The following LONRF2 variants were observed in gnomAD, a reference collection of about 807,000 sequenced individuals.
The protein encoded by LONRF2 is LON peptidase N-terminal domain and ring finger 2.
LONRF2 carries 35 observed loss-of-function variants against 66.6 expected under a neutral mutation model. That is an observed-to-expected ratio of 0.53 (90% CI 0.40 to 0.70). The LOEUF (loss-of-function observed/expected upper bound fraction) is 0.70, where lower values mean the gene tolerates loss of function less well. Among genes scored for constraint, LONRF2 ranks in the 30% least tolerant of loss-of-function variants. The probability of loss-of-function intolerance (pLI) is 0.00; values close to 1 mark genes in which losing one functional copy is unlikely to be tolerated. For synonymous variants in LONRF2, 417 were observed against 418.1 expected (o/e 1.00, Z 0.03); for missense variants, 902 against 1,002.1 (o/e 0.90, Z 1.35).
At position 100,291,499 on chromosome 2, in the gene LONRF2, G is replaced by A. The variant is rs1033155914; in HGVS notation, c.1758-1079C>T. Among the ~76,000 whole-genome samples, 9 of 152,050 alleles carry A rather than the reference G, an allele frequency of 5.9e-5. No individual in the cohort carries two copies. In the East Asian group the frequency reaches 7.8e-4, roughly 13 times the overall value. Reference sequence around the variant, plus strand: ...CTCTGCCCTCCCCAACCAAAGTGCCGTGGAAAGCAGTCCCCGGCCACTGCC... The same window carrying A: ...CTCTGCCCTCCCCAACCAAAGTGCCATGGAAAGCAGTCCCCGGCCACTGCC... On this transcript the variant is annotated intron_variant, in intron 9 of 11. Transcript: ENST00000393437.
chr2:100,298,859 A>C lies in LONRF2; in HGVS notation c.1453T>G (p.Leu485Val). Residue 485 changes from leucine (L) to valine (V), a missense_variant, in exon 7 of 12, where the codon TTG becomes GTG. By Grantham distance (32) the Leu-to-Val change is conservative (BLOSUM62 1). Around this residue, in one of 2 missense-constraint regions of LONRF2, gnomAD observed 317 missense variants for 432.2 expected, o/e 0.73. Coordinates refer to ENST00000393437, the MANE Select transcript of LONRF2 (RefSeq NM_198461.4). ...ACTTCCGAAAGTTTGTCTTTGCACAAAGGACAGTGTGGGGCGTGGTCAAGG... is the reference window on the plus strand; with the variant it reads ...ACTTCCGAAAGTTTGTCTTTGCACACAGGACAGTGTGGGGCGTGGTCAAGG... Reference protein sequence around the residue: ...RCLDHAPHCPLCKDKLSELLA... With the variant: ...RCLDHAPHCPVCKDKLSELLA... 1 of 1,614,102 alleles carries C rather than the reference A, an allele frequency of 6.2e-7. No individual in the cohort carries two copies. Among genetic ancestry groups the C allele is most frequent in the Non-Finnish European group, 8.5e-7 (1 of 1,179,956 alleles).
At position 100,299,815 on chromosome 2, in the gene LONRF2, A is replaced by G. The variant is rs759813804; in HGVS notation, c.1169T>C (p.Ile390Thr). 1.3e-5 allele frequency: 21 copies of G among 1,613,732 alleles called. No individual in the cohort carries two copies. Among genetic ancestry groups the G allele is most frequent in the Non-Finnish European group, 1.8e-5 (21 of 1,179,740 alleles). Residue 390 changes from isoleucine to threonine, a missense_variant, in exon 5 of 12, where the codon ATC (isoleucine) becomes ACC (threonine). By Grantham distance (89) the Ile-to-Thr change is moderately conservative. Coordinates refer to ENST00000393437, the MANE Select transcript of LONRF2 (RefSeq NM_198461.4). ...FEEDKKALES[I>T]LPTAPSAGLK... ...GCCAGCGCTGGGTGCTGTTGGAAGG[A>G]TGCTTTCTAACGCCTTTTTATCCTC...
Position 100,321,830 on chromosome 2 carries a change from C to T in LONRF2, c.264G>A (p.Gly88=), listed in dbSNP as rs1324882800. 2.7e-6 allele frequency: 3 copies of T among 1,122,324 alleles called. No homozygotes were observed. The highest frequency in any genetic ancestry group is 2.2e-6 in the Non-Finnish European group (2 of 920,426). 69.5% of individuals were successfully genotyped at this position (1,122,324 alleles called of 1,614,324 possible). The stretch of plus-strand genomic sequence containing the variant: ...CTTCCAGCTCCTCCGGCCGCAGCGC[C>T]CCGAGCCGCGCGGCGCCGCGGAACG... ...LGAFRGAARL[G]ALRPEELEEL... The change falls in exon 1 of 12, where the codon GGG becomes GGA. Residue 88 remains glycine (G), a synonymous_variant. Transcript: ENST00000393437.
At position 100,284,406 on chromosome 2, in the gene LONRF2, C is replaced by A; in HGVS notation, c.2157G>T (p.Met719Ile). The change falls in exon 12 of 12, where the codon ATG becomes ATT. Residue 719 changes from methionine (M) to isoleucine (I), a missense_variant. This residue lies in a region of LONRF2 where 317 missense variants were observed against 432.2 expected (regional missense o/e 0.73). Transcript: ENST00000393437. ...ERKAQLAILG[M>I]TSLKERLLAI... is the part of the protein sequence containing the mutation. The stretch of plus-strand genomic sequence containing the variant: ...CAAGGAGCCGCTCTTTGAGCGAGGT[C>A]ATGCCGAGGATGGCCAGCTGAGCCT... 1 of 1,605,214 alleles carries A rather than the reference C, an allele frequency of 6.2e-7. No individual in the cohort carries two copies. Among genetic ancestry groups the A allele is most frequent in the African/African-American group, 1.3e-5 (1 of 74,942 alleles).
intron 9 of LONRF2, among the ~76,000 whole-genome samples, chr2:100,290,907 T>C (rs1674947295): frequency 6.6e-6 from 1 of 152,188 alleles, no homozygotes; most frequent in African/African-American, 2.4e-5. Flanking sequence ...CAGTTTATAA[T>C]ACATATGAAT....
intron 1 of LONRF2, among the ~76,000 whole-genome samples, chr2:100,318,794 T>C (rs1302495158): frequency 6.8e-6 from 1 of 146,304 alleles, no homozygotes; most frequent in African/African-American, 2.5e-5. Context: ...ATCATGTCAC[T>C]GCAGTCCAGC....
At position 100,298,837 on chromosome 2, in the gene LONRF2, TC is replaced by T. The variant is rs1437782172; in HGVS notation, c.1474del (p.Glu492AsnfsTer10). On this transcript the variant is annotated frameshift_variant and splice_region_variant, in exon 7 of 12. Coordinates refer to ENST00000393437, the MANE Select transcript of LONRF2 (RefSeq NM_198461.4). LOFTEE classifies it high-confidence loss of function. ...HCPLCKDKLS[E>X]LLASRNFNIT... ...CGTCATTTCCTAAAGTGTACTTACT[TC>T]CGAAAGTTTGTCTTTGCACAAAGGA... 3.1e-6 allele frequency: 5 copies of T among 1,612,138 alleles called. No individual in the cohort carries two copies. The highest frequency in any genetic ancestry group is 3.4e-6 in the Non-Finnish European group (4 of 1,178,332).
intron 10 of LONRF2, 115 bp from the exon 11 acceptor site, chr2:100,287,178 T>C: frequency 1.0e-6 from 1 of 983,714 alleles, no homozygotes; most frequent in Non-Finnish European, 1.4e-6. Flanking sequence ...TTTTAATAAT[T>C]CATCAGTTTC....
intron 3 of LONRF2, among the ~76,000 whole-genome samples, chr2:100,302,664 T>C (rs1026989751): frequency 6.6e-6 from 1 of 152,236 alleles, no homozygotes; most frequent in African/African-American, 2.4e-5. Flanking sequence ...CTAACATGTG[T>C]CTTTATGTCA....
chr2:100,295,698 C>G (rs942454889), intron 7 of LONRF2, 145 bp from the exon 8 acceptor site: 1 of 716,398 alleles, frequency 1.4e-6, no homozygotes, highest in African/African-American at 1.8e-5. Flanking sequence ...GGCGGGCCAG[C>G]CTGTAACAAG....
chr2:100,318,824 C>T (rs1206930342), intron 1 of LONRF2, among the ~76,000 whole-genome samples: 1 of 116,206 alleles, frequency 8.6e-6, no homozygotes, highest in African/African-American at 3.1e-5. Context: ...AGAGCGAGAC[C>T]TTGTCTCAAA....
At chr2:100,296,251 T>C (rs1358693224) in intron 7 of LONRF2, among the ~76,000 whole-genome samples, 1 of 152,196 alleles carries the variant, frequency 6.6e-6, no homozygotes, top group Non-Finnish European at 1.5e-5. Context: ...TAGGTTGCAC[T>C]GTTTTATTGC....
rs867181050 is a variant in LONRF2 at position 100,283,948 on chromosome 2, A to G, written c.*350T>C. ...TACCATCTGGCAGAGCCAGATGCTG[A>G]CTGGGAAGTGAATCCTTCTTTCTCG... On this transcript the variant is annotated 3_prime_UTR_variant, in exon 12 of 12. Coordinates refer to ENST00000393437, the MANE Select transcript of LONRF2 (RefSeq NM_198461.4). The G allele has an allele frequency of 4.1e-4, 71 of 173,114 alleles. No homozygotes were observed. The highest frequency in any genetic ancestry group is 1.4e-3 in the African/African-American group (60 of 42,258). The allele number at this position is 173,114 out of a possible 1,614,324, so 10.7% of individuals were successfully genotyped here. A position where few individuals can be genotyped will look rare whatever the true frequency, so the allele number is the denominator to read the frequency against.
rs768193837 is a variant in LONRF2, at chr2:100,295,488, C to T, written c.1542G>A (p.Pro514=). Residue 514 remains proline (P), a synonymous_variant, in exon 8 of 12, where the codon CCG becomes CCA. Coordinates refer to ENST00000393437, the MANE Select transcript of LONRF2 (RefSeq NM_198461.4). ...LAEELIFRYL[P]DELSDRKRIY... is the part of the protein sequence containing the mutation. Reference sequence around the variant, plus strand: ...TTCTCTTCCTATCAGACAATTCATCCGGCAAATATCGAAATATTAATTCTT... The same window carrying T: ...TTCTCTTCCTATCAGACAATTCATCTGGCAAATATCGAAATATTAATTCTT... 41 of 1,613,220 alleles carry T rather than the reference C, an allele frequency of 2.5e-5. No homozygotes were observed. The highest frequency in any genetic ancestry group is 1.3e-4 in the African/African-American group (10 of 74,880).
rs1195401196 is a variant in LONRF2 at position 100,283,427 on chromosome 2, C to G, written c.*871G>C. ...GATGGGGCTAATTTCTAATGCAAAT[C>G]CCAATAGAAAAAGATGACTGTTTCC... is the stretch of plus-strand genomic sequence containing the variant. On this transcript the variant is annotated 3_prime_UTR_variant, in exon 12 of 12. Transcript: ENST00000393437. The G allele has an allele frequency of 6.6e-6, 1 of 152,032 alleles. No homozygotes were observed. The highest frequency in any genetic ancestry group is 2.4e-5 in the African/African-American group (1 of 41,414). The allele number at this position is 152,032 out of a possible 1,614,324, so 9.4% of individuals were successfully genotyped here.
chr2:100,316,061 C>T (rs560549981), intron 1 of LONRF2, among the ~76,000 whole-genome samples: 1 of 152,116 alleles, frequency 6.6e-6, no homozygotes, highest in African/African-American at 2.4e-5. Context: ...TGGCTCACAC[C>T]TGTAATCCCA....
rs1310663482 is a variant in LONRF2 at position 100,299,854 on chromosome 2, C to A, written c.1130G>T (p.Gly377Val). 1.9e-6 allele frequency: 3 copies of A among 1,611,420 alleles called. No homozygotes were observed. Among genetic ancestry groups the A allele is most frequent in the Non-Finnish European group, 2.5e-6 (3 of 1,177,736 alleles). The change falls in exon 5 of 12, where the codon GGT (glycine) becomes GTT (valine). Residue 377 changes from glycine to valine, a missense_variant. Gly to Val is a moderately radical substitution (Grantham distance 109). This residue lies in a region of LONRF2 where 585 missense variants were observed against 569.9 expected (regional missense o/e 1.03). Coordinates refer to ENST00000393437, the MANE Select transcript of LONRF2 (RefSeq NM_198461.4). ...TNSSVLYFIL[G>V]LHFEEDKKAL... ...CTTTTTATCCTCTTCAAAGTGTAGA[C>A]CCAGTATAAAATACAAAACTGAAGA... is the stretch of plus-strand genomic sequence containing the variant.
intron 11 of LONRF2, among the ~76,000 whole-genome samples, chr2:100,284,953 CAT>C (rs1374401043): frequency 2.0e-5 from 3 of 152,230 alleles, no homozygotes; most frequent in Non-Finnish European, 4.4e-5. Context: ...ATGTATGAAA[CAT>C]ATATATGTAT....
intron 2 of LONRF2, among the ~76,000 whole-genome samples, chr2:100,305,920 G>A (rs746959896): frequency 6.6e-6 from 1 of 152,024 alleles, no homozygotes; most frequent in Non-Finnish European, 1.5e-5. Context: ...ATGGAGTCTC[G>A]CTCTGTCGCC....
Sources: gnomAD v4.1 joint callset for allele counts (sites outside exome capture counted in the v4.1 genomes callset) on GRCh38, gnomAD v4.1.1 for gene constraint, gnomAD v4.1.1 regional missense constraint, MANE v1.5 for transcripts, NCBI Gene and HGNC (gene_info 2026-07-23, HGNC 2026-07-21) for gene names.